Variants in CACNA1E observed in about 807,000 individuals in gnomAD.
The protein encoded by CACNA1E is voltage-dependent R-type calcium channel subunit alpha-1E.
CACNA1E carries 40 observed loss-of-function variants against 259.2 expected under a neutral mutation model. The observed-to-expected ratio is 0.15, with a 90% confidence interval of 0.12 to 0.20. The LOEUF is 0.20. CACNA1E is among the 10% of genes least tolerant of loss of function. The pLI, the probability that CACNA1E is intolerant of heterozygous loss-of-function variation, is 1.00. For missense variants in CACNA1E, 1,874 were observed against 3,040.1 expected, an observed-to-expected ratio of 0.62 and a Z score of 9.02; for synonymous variants, 1,104 against 1,138.5, an observed-to-expected ratio of 0.97 and a Z score of 0.61.
intron 3 of CACNA1E, 103 bp downstream of exon 3, chr1:181,511,613 A>C (rs1666172385): frequency 1.5e-6 from 2 of 1,323,118 alleles, no homozygotes; most frequent in Non-Finnish European, 2.1e-6. Flanking sequence ...AGCAATCTGT[A>C]GAGTAGGGGC....
intron 3 of CACNA1E, among the ~76,000 whole-genome samples, chr1:181,527,807 A>G (rs1324957260): frequency 6.6e-6 from 1 of 152,152 alleles, no homozygotes; most frequent in Non-Finnish European, 1.5e-5. Flanking sequence ...CCAATTACTT[A>G]TCTGAGTCTT....
At chr1:181,489,158 A>G (rs566731795) in intron 1 of CACNA1E, among the ~76,000 whole-genome samples, 1 of 152,268 alleles carries the variant, frequency 6.6e-6, no homozygotes, top group African/African-American at 2.4e-5. Context: ...GACTCTGCTG[A>G]TCTTATTTTG....
intron 3 of CACNA1E, among the ~76,000 whole-genome samples, chr1:181,551,607 G>A (rs954877378): frequency 6.6e-5 from 10 of 152,164 alleles, no homozygotes; most frequent in Non-Finnish European, 1.3e-4. Context: ...AGCAACCTTG[G>A]TGGGGGAAGG....
intron 32 of CACNA1E, among the ~76,000 whole-genome samples, chr1:181,759,666 C>G (rs1385598111): frequency 2.0e-5 from 3 of 152,182 alleles, no homozygotes; most frequent in Non-Finnish European, 4.4e-5. Context: ...TTGTGTGCAG[C>G]AAGTTCAGTG....
At chr1:181,793,356 T>C (rs921067976) in intron 44 of CACNA1E, among the ~76,000 whole-genome samples, 1 of 152,190 alleles carries the variant, frequency 6.6e-6, no homozygotes, top group African/African-American at 2.4e-5. Flanking sequence ...ATCTGAAAAG[T>C]ATTATACCAA....
At chr1:181,767,865 C>A (rs184488389) in intron 35 of CACNA1E, among the ~76,000 whole-genome samples, 1 of 152,248 alleles carries the variant, frequency 6.6e-6, no homozygotes, top group Admixed American at 6.5e-5. Flanking sequence ...TGTCTAACTC[C>A]AATATATTTG....
At chr1:181,573,501 T>C (rs1650629057) in intron 3 of CACNA1E, among the ~76,000 whole-genome samples, 1 of 152,234 alleles carries the variant, frequency 6.6e-6, no homozygotes, top group Admixed American at 6.5e-5. Flanking sequence ...TTCTTTCCTC[T>C]GTCTCTCTAG....
intron 3 of CACNA1E, among the ~76,000 whole-genome samples, chr1:181,568,135 C>G (rs1650036376): frequency 6.6e-6 from 1 of 152,110 alleles, no homozygotes; most frequent in Non-Finnish European, 1.5e-5. Flanking sequence ...AGTTTCATTA[C>G]CTGCTTACCT....
upstream of CACNA1E, among the ~76,000 whole-genome samples, chr1:181,480,850 T>C (rs899479373): frequency 1.1e-4 from 16 of 152,188 alleles, no homozygotes; most frequent in Non-Finnish European, 1.5e-5. Context: ...ATCTTGTTCA[T>C]TATAGTATCC....
chr1:181,417,498 C>T (rs1658356114), intron 2 of CACNA1E, among the ~76,000 whole-genome samples: 1 of 152,134 alleles, frequency 6.6e-6, no homozygotes, highest in Non-Finnish European at 1.5e-5. Context: ...AGACTTCAGC[C>T]CTGCTAAATC....
chr1:181,715,484 A>C lies in CACNA1E; in HGVS notation c.1225+93A>C, dbSNP rs1348793219. The stretch of plus-strand genomic sequence containing the variant: ...ATTCAAAAGGAGAGAAAGAAATGAA[A>C]GATGGTGTTCTGGGATTGGAAATGA... On this transcript the variant is annotated intron_variant, in intron 9 of 47. Coordinates refer to ENST00000367573, the MANE Select transcript of CACNA1E (RefSeq NM_001205293.3). The C allele has an allele frequency of 5.5e-6, 4 of 724,040 alleles. No individual in the cohort carries two copies. In the African/African-American group the frequency reaches 7.0e-5, roughly 13 times the overall value. The allele number at this position is 724,040 out of a possible 1,614,324, so 44.9% of individuals were successfully genotyped here. A position where few individuals can be genotyped will look rare whatever the true frequency, so the allele number is the denominator to read the frequency against.
At chr1:181,609,056 G>C (rs1654499289) in intron 6 of CACNA1E, among the ~76,000 whole-genome samples, 2 of 152,208 alleles carry the variant, frequency 1.3e-5, no homozygotes, top group South Asian at 4.1e-4. Flanking sequence ...AGCTTAGGAA[G>C]AAGAAATGGG....
intron 1 of CACNA1E, among the ~76,000 whole-genome samples, chr1:181,502,345 C>T (rs1352832913): frequency 6.6e-6 from 1 of 152,210 alleles, no homozygotes; most frequent in African/African-American, 2.4e-5. Context: ...AAAAGTTCAT[C>T]TATAGCTCCT....
intron 6 of CACNA1E, among the ~76,000 whole-genome samples, chr1:181,624,150 A>G (rs1436591911): frequency 6.6e-6 from 1 of 152,144 alleles, no homozygotes; most frequent in Non-Finnish European, 1.5e-5. Context: ...CTAATAGAGC[A>G]AGAATGGAGA....
chr1:181,770,717 A>G (rs1375394323), intron 35 of CACNA1E, among the ~76,000 whole-genome samples: 1 of 152,230 alleles, frequency 6.6e-6, no homozygotes, highest in Non-Finnish European at 1.5e-5. Flanking sequence ...CATAGATTCT[A>G]CATTAATGAC....
intron 1 of CACNA1E, among the ~76,000 whole-genome samples, chr1:181,363,227 T>C (rs1654020471): frequency 6.6e-6 from 1 of 152,176 alleles, no homozygotes; most frequent in South Asian, 2.1e-4. Flanking sequence ...AGATGAGAAG[T>C]AGATATGGGA....
At chr1:181,347,546 C>G (rs1409808728) in intron 1 of CACNA1E, among the ~76,000 whole-genome samples, 1 of 152,246 alleles carries the variant, frequency 6.6e-6, no homozygotes, top group Non-Finnish European at 1.5e-5. Flanking sequence ...ACCCTGAACT[C>G]CAGACCCTGC....
chr1:181,376,936 C>T (rs763551028), intron 1 of CACNA1E, among the ~76,000 whole-genome samples: 1 of 152,138 alleles, frequency 6.6e-6, no homozygotes, highest in African/African-American at 2.4e-5. Context: ...CTACCATTTG[C>T]ATGATGAGGA....
chr1:181,637,374 A>G (rs115084153), intron 6 of CACNA1E, among the ~76,000 whole-genome samples: 1,752 of 151,968 alleles, frequency 0.012, 33 homozygotes, highest in African/African-American at 0.04. Flanking sequence ...CTAGGCACTT[A>G]ACTCACTCTT....
Sources: gnomAD v4.1 joint callset for allele counts (sites outside exome capture counted in the v4.1 genomes callset) on GRCh38, gnomAD v4.1.1 for gene constraint, MANE v1.5 for transcripts, NCBI Gene and HGNC (gene_info 2026-07-23, HGNC 2026-07-21) for gene names.